CETN3: variants seen among roughly 807,000 people sequenced by gnomAD.
CETN3 encodes the protein centrin 3, also known as centrin-3.
CETN3 carries 17 observed loss-of-function variants against 20.1 expected under a neutral mutation model. That is an observed-to-expected ratio of 0.85 (90% CI 0.58 to 1.27). The LOEUF (loss-of-function observed/expected upper bound fraction) is 1.27, where lower values mean the gene tolerates loss of function less well. Among genes scored for constraint, CETN3 ranks in the 50% most tolerant of loss-of-function variants. The pLI, the probability that CETN3 is intolerant of heterozygous loss-of-function variation, is 0.00. For synonymous variants in CETN3, 52 were observed against 59.7 expected (o/e 0.87, Z 0.59); for missense variants, 169 against 191.2 (o/e 0.88, Z 0.69).
intron 2 of CETN3, 24 bp downstream of exon 2, chr5:90,407,674 CA>C: frequency 7.3e-7 from 1 of 1,369,944 alleles, no homozygotes; most frequent in Non-Finnish European, 9.7e-7. Flanking sequence ...AACACAGAAA[CA>C]AATATTTTAA....
At position 90,394,945 on chromosome 5, in the gene CETN3, G is replaced by A. The variant is rs987267371; in HGVS notation, c.461-838C>T. Among the ~76,000 whole-genome samples the A allele has an allele frequency of 2.0e-5, 3 of 152,084 alleles. No homozygotes were observed. In the South Asian group the frequency reaches 6.2e-4, roughly 32 times the overall value. On this transcript the variant is annotated intron_variant, in intron 4 of 4. Coordinates refer to ENST00000283122, the MANE Select transcript of CETN3 (RefSeq NM_004365.4). ...GAAAAATGTTCAGAAGATACTTCTG[G>A]TAAGTATTTAGCATTTAGCCCTAAG...
At chr5:90,403,875 GAAA>G (rs60385437) in intron 3 of CETN3, among the ~76,000 whole-genome samples, 7 of 86,736 alleles carry the variant, frequency 8.1e-5, no homozygotes, top group African/African-American at 3.2e-4. Flanking sequence ...TGTCTCAAAA[GAAA>G]AAAAAAAAAA....
At position 90,394,111 on chromosome 5, in the gene CETN3, T is replaced by C. The variant is rs1749085905; in HGVS notation, c.461-4A>G. On this transcript the variant is annotated splice_polypyrimidine_tract_variant and splice_region_variant and intron_variant, in intron 4 of 4. Transcript: ENST00000283122. ...GCAATGAACTCCTCTTGGTTTACTGTGGTAAGAAAGAAAATGAAATAGTCA... is the reference window on the plus strand; with the variant it reads ...GCAATGAACTCCTCTTGGTTTACTGCGGTAAGAAAGAAAATGAAATAGTCA... 12 of 1,540,004 alleles carry C rather than the reference T, an allele frequency of 7.8e-6. No homozygotes were observed. The highest frequency in any genetic ancestry group is 1.4e-5 in the African/African-American group (1 of 72,800).
In CETN3 at chr5:90,393,813, C is replaced by T. The variant is rs1200275273; in HGVS notation, c.*251G>A. Reference sequence around the variant, plus strand: ...TAAATTAAAAAACCTTCAAAGAACACATATCACACATTCAATTTTTAAAAC... The same window carrying T: ...TAAATTAAAAAACCTTCAAAGAACATATATCACACATTCAATTTTTAAAAC... On this transcript the variant is annotated 3_prime_UTR_variant, in exon 5 of 5. Transcript: ENST00000283122. 1 of 286,082 alleles carries T rather than the reference C, an allele frequency of 3.5e-6. No individual in the cohort carries two copies. Among genetic ancestry groups the T allele is most frequent in the Non-Finnish European group, 6.4e-6 (1 of 155,630 alleles). The allele number at this position is 286,082 out of a possible 1,614,324, so 17.7% of individuals were successfully genotyped here.
At chr5:90,406,086 T>C (rs1255752775) in intron 2 of CETN3, among the ~76,000 whole-genome samples, 5 of 152,158 alleles carry the variant, frequency 3.3e-5, no homozygotes, top group Non-Finnish European at 7.4e-5. Flanking sequence ...CACAGATAAT[T>C]TGATTGTTAT....
At chr5:90,407,410 T>C (rs1391904469) in intron 2 of CETN3, among the ~76,000 whole-genome samples, 1 of 152,000 alleles carries the variant, frequency 6.6e-6, no homozygotes, top group Non-Finnish European at 1.5e-5. Flanking sequence ...AAGAATAAAT[T>C]CCAGTTTGAA....
At chr5:90,408,745 T>C (rs1235641931) in intron 1 of CETN3, among the ~76,000 whole-genome samples, 1 of 146,622 alleles carries the variant, frequency 6.8e-6, no homozygotes, top group Non-Finnish European at 1.5e-5. Flanking sequence ...CAGTTGACTG[T>C]ACTTAAAACA....
At chr5:90,400,902 A>G (rs1749273235) in intron 3 of CETN3, among the ~76,000 whole-genome samples, 1 of 152,216 alleles carries the variant, frequency 6.6e-6, no homozygotes, top group Non-Finnish European at 1.5e-5. Flanking sequence ...CTACAGCCAT[A>G]ACACCAAAAT....
intron 4 of CETN3, 47 bp from the exon 5 acceptor site, chr5:90,394,154 T>C: frequency 7.6e-7 from 1 of 1,317,540 alleles, no homozygotes; most frequent in Non-Finnish European, 1.1e-6. Flanking sequence ...AAACATTTTA[T>C]TTTTTCAGAA....
chr5:90,394,067 A>C lies in CETN3; in HGVS notation c.501T>G (p.Ile167Met), dbSNP rs1749084392. 6.5e-7 allele frequency: 1 copy of C among 1,543,554 alleles called. No homozygotes were observed. The highest frequency in any genetic ancestry group is 1.4e-5 in the African/African-American group (1 of 73,176). The change falls in exon 5 of 5, where the codon ATT (isoleucine) becomes ATG (methionine). Residue 167 changes from isoleucine (I) to methionine (M), a missense_variant. Transcript: ENST00000283122. ...EEFIAIMTGD[I>M] Reference sequence around the variant, plus strand: ...TAGTGTTTATCCTTGTAATTCTTTAAATGTCACCAGTCATAATAGCAATGA... The same window carrying C: ...TAGTGTTTATCCTTGTAATTCTTTACATGTCACCAGTCATAATAGCAATGA...
In CETN3 at chr5:90,405,775, C is replaced by T. The variant is rs1401239255; in HGVS notation, c.178G>A (p.Asp60Asn). ...TTCAGTACATCAGCTTTTTTTACATCAAACCCCAAGGCTCTCATTGCCACC... is the reference window on the plus strand; with the variant it reads ...TTCAGTACATCAGCTTTTTTTACATTAAACCCCAAGGCTCTCATTGCCACC... ...LKVAMRALGF[D>N]VKKADVLKIL... Residue 60 changes from aspartate (D) to asparagine (N), a missense_variant, in exon 3 of 5, where the codon GAT (aspartate) becomes AAT (asparagine). Physicochemically the swap from Asp to Asn is conservative, Grantham distance 23. Transcript: ENST00000283122. The T allele has an allele frequency of 6.2e-7, 1 of 1,611,506 alleles. No individual in the cohort carries two copies.
chr5:90,407,623 G>T, intron 2 of CETN3, 76 bp downstream of exon 2: 3 of 1,028,566 alleles, frequency 2.9e-6, no homozygotes, highest in Non-Finnish European at 3.9e-6. Flanking sequence ...TAATTATTTA[G>T]AAATGTAATG....
chr5:90,395,957 G>T, intron 4 of CETN3: 2 of 921,774 alleles, frequency 2.2e-6, no homozygotes, highest in Non-Finnish European at 2.6e-6. Flanking sequence ...ACTTGAAACA[G>T]AACAAATGTT....
rs1396525192 is a variant in CETN3 at position 90,394,018 on chromosome 5, A to G, written c.*46T>C. 1 of 1,318,500 alleles carries G rather than the reference A, an allele frequency of 7.6e-7. No individual in the cohort carries two copies. Among genetic ancestry groups the G allele is most frequent in the Admixed American group, 2.0e-5 (1 of 51,232 alleles). The allele number at this position is 1,318,500 out of a possible 1,614,324, so 81.7% of individuals were successfully genotyped here. A position where few individuals can be genotyped will look rare whatever the true frequency, so the allele number is the denominator to read the frequency against. ...ATGGCTCCAGGCACAAAAATAGAAT[A>G]TAAGATGGTAACTGCAACATTCTTA... On this transcript the variant is annotated 3_prime_UTR_variant, in exon 5 of 5. Transcript: ENST00000283122.
At chr5:90,401,494 T>C (rs1157994808) in intron 3 of CETN3, among the ~76,000 whole-genome samples, 1 of 152,348 alleles carries the variant, frequency 6.6e-6, no homozygotes, top group Admixed American at 6.5e-5. Flanking sequence ...ATCAGAAATG[T>C]ACTTCATCAA....
In CETN3 at chr5:90,405,675, A is replaced by G; in HGVS notation, c.268+10T>C. 1 of 1,524,834 alleles carries G rather than the reference A, an allele frequency of 6.6e-7. No individual in the cohort carries two copies. Among genetic ancestry groups the G allele is most frequent in the Non-Finnish European group, 9.1e-7 (1 of 1,099,028 alleles). 94.5% of individuals were successfully genotyped at this position (1,524,834 alleles called of 1,614,324 possible). On this transcript the variant is annotated intron_variant, in intron 3 of 4. Coordinates refer to ENST00000283122, the MANE Select transcript of CETN3 (RefSeq NM_004365.4). The stretch of plus-strand genomic sequence containing the variant: ...CAGCTGCTGATTACAAAGACTATTA[A>G]AATACACACCAACTTCATTAAAATC...
chr5:90,396,242 AG>A, intron 4 of CETN3: 1 of 985,228 alleles, frequency 1.0e-6, no homozygotes, highest in Non-Finnish European at 1.2e-6. Flanking sequence ...AGAAGCTGAC[AG>A]GGAACTATGA....
intron 3 of CETN3, among the ~76,000 whole-genome samples, chr5:90,404,542 A>T (rs537448486): frequency 6.6e-6 from 1 of 152,210 alleles, no homozygotes; most frequent in African/African-American, 2.4e-5. Flanking sequence ...AATGTCCCCA[A>T]TGGACAAGTT....
chr5:90,407,694 A>AT lies in CETN3; in HGVS notation c.153+4dup. On this transcript the variant is annotated splice_donor_region_variant and intron_variant, in intron 2 of 4. Transcript: ENST00000283122. ...AGAAACAAATATTTTAAAGTATACC[A>AT]TTACCTTTAATTCATGATAATCTAT... The AT allele has an allele frequency of 3.4e-6, 5 of 1,490,922 alleles. No homozygotes were observed. The highest frequency in any genetic ancestry group is 4.5e-6 in the Non-Finnish European group (5 of 1,101,166). 92.4% of individuals were successfully genotyped at this position (1,490,922 alleles called of 1,614,324 possible).
Sources: allele counts gnomAD v4.1 joint callset (sites outside exome capture counted in the v4.1 genomes callset), GRCh38; gene constraint gnomAD v4.1.1; transcripts MANE v1.5; gene names NCBI Gene and HGNC (gene_info 2026-07-23, HGNC 2026-07-21).